TP53BP2: variants seen among roughly 807,000 people sequenced by gnomAD.
TP53BP2 encodes the protein tumor protein p53 binding protein 2, also known as apoptosis-stimulating of p53 protein 2.
TP53BP2 carries 62 observed loss-of-function variants against 126.2 expected under a neutral mutation model. That is an observed-to-expected ratio of 0.49 (90% CI 0.40 to 0.61). The LOEUF (loss-of-function observed/expected upper bound fraction) is 0.61. Ranked by LOEUF, TP53BP2 falls within the 20% of genes least tolerant of loss-of-function variation. The pLI, the probability that TP53BP2 is intolerant of heterozygous loss-of-function variation, is 0.00. For missense variants in TP53BP2, 1,215 were observed against 1,402.8 expected (o/e 0.87, Z 2.14); for synonymous variants, 485 against 502.9 (o/e 0.96, Z 0.48).
chr1:223,813,314 C>G (rs1208084902), intron 3 of TP53BP2, among the ~76,000 whole-genome samples: 1 of 152,184 alleles, frequency 6.6e-6, no homozygotes, highest in East Asian at 1.9e-4. Context: ...AGGGCCCCAC[C>G]TGGGACCACA....
intron 1 of TP53BP2, among the ~76,000 whole-genome samples, chr1:223,836,189 A>C (rs1663915940): frequency 6.6e-6 from 1 of 152,196 alleles, no homozygotes; most frequent in Admixed American, 6.5e-5. Context: ...CAATGCACAA[A>C]ATTTGTTTTA....
Position 223,803,379 on chromosome 1 carries a change from T to C in TP53BP2, c.723A>G (p.Val241=), listed in dbSNP as rs1325155225. Residue 241 remains valine (V), a synonymous_variant, in exon 7 of 18, where the codon GTA becomes GTG. Coordinates refer to ENST00000343537, the MANE Select transcript of TP53BP2 (RefSeq NM_001031685.3). ...QRELVLAVSK[V]EELTRQLEML... is the part of the protein sequence containing the mutation. ...TCTCTAGCTGCCTGGTCAGTTCTTC[T>C]ACTTTTGACACAGCCAGGACGAGCT... The C allele has an allele frequency of 1.2e-6, 2 of 1,613,934 alleles. No individual in the cohort carries two copies. The highest frequency in any genetic ancestry group is 1.7e-5 in the Admixed American group (1 of 59,986).
At chr1:223,784,414 C>T in intron 16 of TP53BP2, 100 bp from the exon 17 acceptor site, 1 of 1,099,558 alleles carries the variant, frequency 9.1e-7, no homozygotes, top group Admixed American at 1.9e-5. Flanking sequence ...GAAACAGGTA[C>T]AGGCTGGAAT....
At chr1:223,811,871 G>C (rs1214585601) in intron 3 of TP53BP2, among the ~76,000 whole-genome samples, 1 of 152,122 alleles carries the variant, frequency 6.6e-6, no homozygotes, top group African/African-American at 2.4e-5. Context: ...TTTATCTTCA[G>C]ATTATATTTC....
At chr1:223,837,364 A>T (rs921813660) in intron 1 of TP53BP2, among the ~76,000 whole-genome samples, 3 of 152,140 alleles carry the variant, frequency 2.0e-5, no homozygotes, top group Admixed American at 2.0e-4. Context: ...TGCTCTGTGT[A>T]GCTGTCAGAG....
In TP53BP2 at chr1:223,798,328, G is replaced by C; in HGVS notation, c.1835C>G (p.Ala612Gly). ...PPFRKPQTVA[A>G]SSIYSMYTQQ... Reference sequence around the variant, plus strand: ...CGTATACATGGAATATATTGAACTTGCTGCCACGGTCTGGGGTTTTCTGAA... The same window carrying C: ...CGTATACATGGAATATATTGAACTTCCTGCCACGGTCTGGGGTTTTCTGAA... Residue 612 changes from alanine (A) to glycine (G), a missense_variant, in exon 12 of 18, where the codon GCA becomes GGA. Ala to Gly is a moderately conservative substitution (Grantham distance 60, BLOSUM62 0). Coordinates refer to ENST00000343537, the MANE Select transcript of TP53BP2 (RefSeq NM_001031685.3). The C allele has an allele frequency of 6.2e-7, 1 of 1,614,154 alleles. No individual in the cohort carries two copies. The highest frequency in any genetic ancestry group is 1.1e-5 in the South Asian group (1 of 91,084).
chr1:223,819,483 G>A (rs1389610554), intron 2 of TP53BP2, among the ~76,000 whole-genome samples: 7 of 152,014 alleles, frequency 4.6e-5, no homozygotes, highest in Non-Finnish European at 1.0e-4. Context: ...TCAGGAGATC[G>A]AGACCATCCT....
At chr1:223,836,114 G>A (rs966962140) in intron 1 of TP53BP2, among the ~76,000 whole-genome samples, 1 of 152,184 alleles carries the variant, frequency 6.6e-6, no homozygotes, top group Non-Finnish European at 1.5e-5. Flanking sequence ...TGGGACGCAA[G>A]GCAGGACAAA....
At chr1:223,809,993 A>C (rs1300311541) in intron 4 of TP53BP2, among the ~76,000 whole-genome samples, 1 of 152,038 alleles carries the variant, frequency 6.6e-6, no homozygotes, top group Non-Finnish European at 1.5e-5. Context: ...CACCCGGCTA[A>C]TTCTGTATTT....
At chr1:223,790,754 C>T (rs573469453) in intron 15 of TP53BP2, among the ~76,000 whole-genome samples, 2 of 151,964 alleles carry the variant, frequency 1.3e-5, no homozygotes, top group South Asian at 2.1e-4. Flanking sequence ...CAGGCACACA[C>T]CAGCGCACCT....
chr1:223,800,397 A>G (rs1662488667), intron 10 of TP53BP2, among the ~76,000 whole-genome samples: 1 of 152,030 alleles, frequency 6.6e-6, no homozygotes, highest in Non-Finnish European at 1.5e-5. Context: ...TCTGGGCAAC[A>G]TGGTGAAACC....
At chr1:223,793,238 C>A in intron 14 of TP53BP2, 65 bp downstream of exon 14, 46 of 1,194,206 alleles carry the variant, frequency 3.9e-5, no homozygotes, top group East Asian at 1.9e-4. Flanking sequence ...ACTAATTATA[C>A]TCTAGCCTGG....
At position 223,810,440 on chromosome 1, in the gene TP53BP2, C is replaced by T; in HGVS notation, c.363G>A (p.Lys121=). 1 of 1,608,508 alleles carries T rather than the reference C, an allele frequency of 6.2e-7. No homozygotes were observed. Among genetic ancestry groups the T allele is most frequent in the Non-Finnish European group, 8.5e-7 (1 of 1,177,060 alleles). Residue 121 remains lysine, a synonymous_variant, in exon 4 of 18, where the codon AAG becomes AAA. Transcript: ENST00000343537. ...AAAAACAACAACTTACACCGTTCTC[C>T]TTTCTTCGATATTCACCAGGAACTT... The part of the protein sequence containing the change: ...GVKVPGEYRR[K]ENGVNSPRMD...
At position 223,837,155 on chromosome 1, in the gene TP53BP2, A is replaced by AGGGG. The variant is rs139243545; in HGVS notation, c.27+8495_27+8498dup. Among the ~76,000 whole-genome samples, 44 of 76,632 alleles carry AGGGG rather than the reference A, an allele frequency of 5.7e-4. 1 individual carries two copies. The highest frequency in any genetic ancestry group is 6.3e-3 in the Middle Eastern group (1 of 160). The allele number at this position is 76,632 out of a possible 152,430, so 50.3% of individuals were successfully genotyped here. ...CTATTGTTTTAAAATTAAAAAAAAA[A>AGGGG]GGGGGGGGGCGGGGGGTCAAGGAAC... On this transcript the variant is annotated intron_variant, in intron 1 of 17. Transcript: ENST00000343537.
Position 223,780,863 on chromosome 1 carries a change from C to G in TP53BP2, c.3395G>C (p.Ser1132Thr), listed in dbSNP as rs201159097. The G allele has an allele frequency of 4.3e-6, 7 of 1,613,760 alleles. No individual in the cohort carries two copies. The highest frequency in any genetic ancestry group is 5.9e-6 in the Non-Finnish European group (7 of 1,179,934). The change falls in exon 18 of 18, where the codon AGC becomes ACC. Residue 1132 changes from serine (S) to threonine (T), a missense_variant. By Grantham distance (58) the Ser-to-Thr change is moderately conservative. Around this residue, in one of 4 missense-constraint regions of TP53BP2, gnomAD observed 151 missense variants for 231.2 expected, o/e 0.65. Transcript: ENST00000343537. ...LYPRIKPRQR[S>T]LA The stretch of plus-strand genomic sequence containing the variant: ...TTCTGTGTGGAAGTTTCAGGCCAAG[C>G]TCCTTTGTCTTGGTTTAATTCTTGG...
chr1:223,808,097 T>C (rs141928875), intron 4 of TP53BP2, among the ~76,000 whole-genome samples: 6 of 152,236 alleles, frequency 3.9e-5, no homozygotes, highest in South Asian at 2.1e-4. Flanking sequence ...TCAAACAGAA[T>C]AGAGAGTACA....
intron 4 of TP53BP2, among the ~76,000 whole-genome samples, chr1:223,808,874 T>C (rs1360779856): frequency 6.6e-6 from 1 of 151,940 alleles, no homozygotes; most frequent in African/African-American, 2.4e-5. Context: ...ATGTCCAAAA[T>C]CATTAGTCAT....
chr1:223,834,193 G>T (rs1348468581), intron 1 of TP53BP2, among the ~76,000 whole-genome samples: 2 of 152,182 alleles, frequency 1.3e-5, no homozygotes, highest in African/African-American at 4.8e-5. Context: ...GGACTTTATT[G>T]CAAGGGAAAA....
intron 1 of TP53BP2, among the ~76,000 whole-genome samples, chr1:223,831,802 C>G (rs1663744216): frequency 6.7e-6 from 1 of 149,504 alleles, no homozygotes. Flanking sequence ...TGCCAGGCCA[C>G]CTACAGGCAC....
Sources: gnomAD v4.1 joint callset for allele counts (sites outside exome capture counted in the v4.1 genomes callset) on GRCh38, gnomAD v4.1.1 for gene constraint, gnomAD v4.1.1 regional missense constraint, MANE v1.5 for transcripts, NCBI Gene and HGNC (gene_info 2026-07-23, HGNC 2026-07-21) for gene names.